KMT2C: variants seen among roughly 807,000 people sequenced by gnomAD.
KMT2C encodes the protein lysine methyltransferase 2C.
A neutral mutation model predicts 507.9 loss-of-function variants in KMT2C; 88 were observed. That is an observed-to-expected ratio of 0.17 (90% confidence interval 0.15 to 0.21). KMT2C has a LOEUF of 0.21. KMT2C is among the 10% of genes least tolerant of loss of function. The pLI, the probability that KMT2C is intolerant of heterozygous loss-of-function variation, is 1.00. For missense variants in KMT2C, 4,954 were observed against 5,957.8 expected, an observed-to-expected ratio of 0.83 and a Z score of 5.55; for synonymous variants, 2,049 against 2,080.8, an observed-to-expected ratio of 0.98 and a Z score of 0.42.
chr7:152,349,010 A>T (rs2097087955), intron 2 of KMT2C, among the ~76,000 whole-genome samples: 1 of 152,234 alleles, frequency 6.6e-6, no homozygotes, highest in Non-Finnish European at 1.5e-5. Context: ...TTGCACATAG[A>T]TGTTGACAGA....
At chr7:152,255,109 T>TTATGTATATATA (rs1554583517) in intron 9 of KMT2C, among the ~76,000 whole-genome samples, 4 of 78,344 alleles carry the variant, frequency 5.1e-5, no homozygotes, top group Non-Finnish European at 1.1e-4. Context: ...CAACTCTCAC[T>TTATGTATATATA]TATATATATA....
In KMT2C at chr7:152,174,260, A is replaced by C. The variant is rs1412300038; in HGVS notation, c.9263-18T>G. The stretch of plus-strand genomic sequence containing the variant: ...ATCAAAATCTAGAAAAGAAATATAA[A>C]GTTACTTATTTCATAGTAATTAGTT... On this transcript the variant is annotated intron_variant, in intron 38 of 58. Transcript: ENST00000262189. 1 of 1,314,556 alleles carries C rather than the reference A, an allele frequency of 7.6e-7. No homozygotes were observed. Among genetic ancestry groups the C allele is most frequent in the East Asian group, 2.3e-5 (1 of 43,136 alleles). The allele number at this position is 1,314,556 out of a possible 1,614,324, so 81.4% of individuals were successfully genotyped here. A position where few individuals can be genotyped will look rare whatever the true frequency, so the allele number is the denominator to read the frequency against.
At chr7:152,167,917 T>G (rs958494264) in intron 41 of KMT2C, among the ~76,000 whole-genome samples, 2 of 152,330 alleles carry the variant, frequency 1.3e-5, no homozygotes, top group Admixed American at 6.5e-5. Context: ...ATGGAATAAT[T>G]TAAAGTCTAT....
At chr7:152,252,780 T>C in intron 9 of KMT2C, 65 bp from the exon 10 acceptor site, 2 of 1,173,532 alleles carry the variant, frequency 1.7e-6, no homozygotes, top group Non-Finnish European at 2.4e-6. Context: ...AGTTCTGATG[T>C]AAACCTTTAA....
At chr7:152,158,433 T>C (rs1470764273) in intron 44 of KMT2C, among the ~76,000 whole-genome samples, 1 of 152,208 alleles carries the variant, frequency 6.6e-6, no homozygotes, top group Non-Finnish European at 1.5e-5. Flanking sequence ...TACGGTGCAA[T>C]TCTGCTTGGA....
chr7:152,307,286 G>GAAGGAAGAAAGA (rs1312180226), intron 6 of KMT2C, among the ~76,000 whole-genome samples: 11 of 134,110 alleles, frequency 8.2e-5, no homozygotes, highest in Middle Eastern at 7.0e-3. Flanking sequence ...AGAAAGGAAG[G>GAAGGAAGAAAGA]AAGGAAGGAA....
chr7:152,285,751 A>G (rs10452860), intron 6 of KMT2C, among the ~76,000 whole-genome samples: 464 of 111,954 alleles, frequency 4.1e-3, no homozygotes, highest in East Asian at 0.02. Flanking sequence ...CTGGAAGGCC[A>G]AGGAAGGTGG....
In KMT2C at chr7:152,148,643, G is replaced by T; in HGVS notation, c.13284C>A (p.Val4428=). The change falls in exon 52 of 59, where the codon GTC becomes GTA. Residue 4428 remains valine (V), a synonymous_variant. Coordinates refer to ENST00000262189, the MANE Select transcript of KMT2C (RefSeq NM_170606.3). This position sits in a 1 kb window ranked among gnomAD's most constrained non-coding sequence, Gnocchi z 7.1. ...TGGACCACAGAGCGCAGTTCAAGTG[G>T]ACCCACAGATCCAAGTCAAGGTTGA... ...RLLNLDLDLW[V]HLNCALWSTE... 6.2e-7 allele frequency: 1 copy of T among 1,614,144 alleles called. No homozygotes were observed. The highest frequency in any genetic ancestry group is 8.5e-7 in the Non-Finnish European group (1 of 1,180,040).
intron 1 of KMT2C, among the ~76,000 whole-genome samples, chr7:152,365,677 G>A (rs144800519): frequency 1.1e-4 from 16 of 152,172 alleles, no homozygotes; most frequent in East Asian, 1.9e-4. Context: ...TTAGCCTCCC[G>A]GCCCAGTGTT....
At chr7:152,357,708 C>T (rs1388635453) in intron 2 of KMT2C, among the ~76,000 whole-genome samples, 1 of 152,000 alleles carries the variant, frequency 6.6e-6, no homozygotes, top group African/African-American at 2.4e-5. Context: ...TCTGAGCTTC[C>T]AAGAGTAATA....
At chr7:152,382,358 C>T (rs1359323843) in intron 1 of KMT2C, among the ~76,000 whole-genome samples, 1 of 151,944 alleles carries the variant, frequency 6.6e-6, no homozygotes, top group African/African-American at 2.4e-5. Flanking sequence ...ATAACGGCCC[C>T]TATTTGCCTT....
intron 1 of KMT2C, among the ~76,000 whole-genome samples, chr7:152,375,504 G>C (rs181355956): frequency 8.0e-5 from 12 of 150,922 alleles, no homozygotes; most frequent in Admixed American, 2.0e-4. Context: ...TTCTGCCTCA[G>C]TCTCCCAAGT....
intron 2 of KMT2C, among the ~76,000 whole-genome samples, chr7:152,331,703 C>CA (rs1405405753): frequency 7.3e-6 from 1 of 136,382 alleles, no homozygotes; most frequent in Non-Finnish European, 1.5e-5. Flanking sequence ...GGCTGGAATG[C>CA]AATGGCGCGA....
chr7:152,370,325 T>TA (rs1564018651), intron 1 of KMT2C, among the ~76,000 whole-genome samples: 1 of 152,214 alleles, frequency 6.6e-6, no homozygotes. Context: ...ATGAAATATG[T>TA]AACCTGAACA....
At chr7:152,432,160 T>G (rs574186723) in intron 1 of KMT2C, among the ~76,000 whole-genome samples, 1 of 152,152 alleles carries the variant, frequency 6.6e-6, no homozygotes, top group Admixed American at 6.6e-5. Context: ...AGGCCAAGGA[T>G]AGTGCTTCAG....
chr7:152,288,118 T>C (rs544412149), intron 6 of KMT2C, among the ~76,000 whole-genome samples: 19 of 94,578 alleles, frequency 2.0e-4, no homozygotes, highest in African/African-American at 7.8e-4. Flanking sequence ...AAGAAACAAA[T>C]ACCAAGTTGA....
intron 1 of KMT2C, among the ~76,000 whole-genome samples, chr7:152,401,877 G>A (rs2097576643): frequency 6.6e-6 from 1 of 152,312 alleles, no homozygotes; most frequent in South Asian, 2.1e-4. Context: ...CTGGGAGGCT[G>A]AGGCAGGTGG....
rs2129104462 is a variant in KMT2C at position 152,163,435 on chromosome 7, G to A, written c.10142C>T (p.Pro3381Leu). 4 of 1,614,234 alleles carry A rather than the reference G, an allele frequency of 2.5e-6. No homozygotes were observed. Among genetic ancestry groups the A allele is most frequent in the Non-Finnish European group, 3.4e-6 (4 of 1,180,054 alleles). The part of the protein sequence containing the change: ...SNANPQSGPP[P>L]RVEFDDNNPF... ...ATTGTTGTCATCAAATTCTACCCGA[G>A]GTGGTGGTCCACTCTGTGGATTTGC... The change falls in exon 43 of 59, where the codon CCT becomes CTT. Residue 3381 changes from proline (P) to leucine (L), a missense_variant. By Grantham distance (98) the Pro-to-Leu change is moderately conservative (BLOSUM62 -3). Coordinates refer to ENST00000262189, the MANE Select transcript of KMT2C (RefSeq NM_170606.3).
intron 3 of KMT2C, among the ~76,000 whole-genome samples, chr7:152,319,725 T>C (rs1392369064): frequency 6.6e-6 from 1 of 152,204 alleles, no homozygotes; most frequent in East Asian, 1.9e-4. Flanking sequence ...TCATGTTTCA[T>C]CCTGTACAGC....
Sources: allele counts gnomAD v4.1 joint callset (sites outside exome capture counted in the v4.1 genomes callset), GRCh38; gene constraint gnomAD v4.1.1; non-coding constraint Gnocchi (gnomAD v3.1); transcripts MANE v1.5; gene names NCBI Gene and HGNC (gene_info 2026-07-23, HGNC 2026-07-21).